S100PBP: variants seen among roughly 807,000 people sequenced by gnomAD.
S100PBP encodes the protein S100P binding protein.
In S100PBP, 15 loss-of-function variants were observed where a neutral mutation model predicts 39.9. That is an observed-to-expected ratio of 0.38 (90% confidence interval 0.25 to 0.58). S100PBP has a LOEUF of 0.58. Among genes scored for constraint, S100PBP ranks in the 20% least tolerant of loss-of-function variants. The pLI, the probability that S100PBP is intolerant of heterozygous loss-of-function variation, is 0.70. For missense variants in S100PBP, 504 were observed against 487.3 expected (o/e 1.03, Z -0.32); for synonymous variants, 178 against 180.3 (o/e 0.99, Z 0.10).
At chr1:32,850,810 T>G (rs185824959) in intron 5 of S100PBP, among the ~76,000 whole-genome samples, 1 of 152,342 alleles carries the variant, frequency 6.6e-6, no homozygotes, top group Admixed American at 6.5e-5. Flanking sequence ...AGTGTTATGG[T>G]TAGAAAAATA....
intron 5 of S100PBP, among the ~76,000 whole-genome samples, chr1:32,842,230 T>C (rs1640144121): frequency 1.2e-5 from 1 of 81,976 alleles, no homozygotes; most frequent in African/African-American, 6.1e-5. Flanking sequence ...TGTATATATA[T>C]ATATATACAC....
In S100PBP at chr1:32,825,294, ATTTTC is replaced by A. The variant is rs1290388040; in HGVS notation, c.-119-14_-119-10del. On this transcript the variant is annotated splice_polypyrimidine_tract_variant and intron_variant, in intron 1 of 6. Transcript: ENST00000373475. ...TTGAAAGTGATGAGAAGATCCTCTA[ATTTTC>A]TTTTTGCCTGCAGGAAGGTGGGAGT... The A allele has an allele frequency of 6.6e-6, 1 of 152,118 alleles. No individual in the cohort carries two copies. 9.4% of individuals were successfully genotyped at this position (152,118 alleles called of 1,614,324 possible).
chr1:32,826,130 T>A lies in S100PBP; in HGVS notation c.31T>A (p.Ser11Thr). Reference sequence around the variant, plus strand: ...GTGCTCACGGGTGCCCTCTGAACAGTCTTCTGGTACCTCTCTCTTGCCTAA... The same window carrying A: ...GTGCTCACGGGTGCCCTCTGAACAGACTTCTGGTACCTCTCTCTTGCCTAA... MMCSRVPSEQ[S>T]SGTSLLPKDG... Residue 11 changes from serine to threonine, a missense_variant, in exon 3 of 7, where the codon TCT becomes ACT. By Grantham distance (58) the Ser-to-Thr change is moderately conservative (BLOSUM62 1). Coordinates refer to ENST00000373475, the MANE Select transcript of S100PBP (RefSeq NM_022753.4). 6.2e-7 allele frequency: 1 copy of A among 1,613,784 alleles called. No homozygotes were observed. The highest frequency in any genetic ancestry group is 1.1e-5 in the South Asian group (1 of 91,054).
At position 32,822,260 on chromosome 1, in the gene S100PBP, A is replaced by C. The variant is rs567458969; in HGVS notation, c.-119-3053A>C. 5.3e-5 allele frequency among the ~76,000 whole-genome samples: 8 copies of C among 152,318 alleles called. No individual in the cohort carries two copies. The South Asian group carries it at 6.2e-4, about 12-fold the overall frequency. ...TTGAGTGATGGGTATGTGGTGGTTC[A>C]TTATACTATTATGTTACTTATGTAT... On this transcript the variant is annotated intron_variant, in intron 1 of 6. Transcript: ENST00000373475.
In S100PBP at chr1:32,819,082, G is replaced by A. The variant is rs576455449; in HGVS notation, c.-120+1393G>A. On this transcript the variant is annotated intron_variant, in intron 1 of 6. Coordinates refer to ENST00000373475, the MANE Select transcript of S100PBP (RefSeq NM_022753.4). ...GGTTTTCTGAGGTGAGATAAAAATA[G>A]AAAGGGAACCAGTTTCTGAGGTTGC... Among the ~76,000 whole-genome samples the A allele has an allele frequency of 1.4e-3, 211 of 152,172 alleles. 1 individual carries two copies. Among genetic ancestry groups the A allele is most frequent in the Non-Finnish European group, 2.2e-3 (152 of 68,012 alleles).
intron 5 of S100PBP, among the ~76,000 whole-genome samples, chr1:32,832,675 A>G (rs1304261277): frequency 6.6e-6 from 1 of 152,178 alleles, no homozygotes; most frequent in Non-Finnish European, 1.5e-5. Context: ...TTTGTATGTG[A>G]ATTATAGTGC....
chr1:32,855,121 G>T (rs866929069), intron 6 of S100PBP, among the ~76,000 whole-genome samples: 1 of 152,258 alleles, frequency 6.6e-6, no homozygotes, highest in African/African-American at 2.4e-5. Flanking sequence ...TTCAACCCTG[G>T]CGACTACTCA....
At chr1:32,823,345 AAGAAATGAATAACTCAGTCACTAATGCAG>A (rs1639172103) in intron 1 of S100PBP, among the ~76,000 whole-genome samples, 1 of 152,222 alleles carries the variant, frequency 6.6e-6, no homozygotes, top group Non-Finnish European at 1.5e-5. Context: ...CTGCTTCCTA[AAGAAATGAATAACTCAGTCACTAATGCAG>A]AGAAATTACT....
At chr1:32,850,949 T>G (rs755974258) in intron 5 of S100PBP, among the ~76,000 whole-genome samples, 1 of 152,234 alleles carries the variant, frequency 6.6e-6, no homozygotes, top group African/African-American at 2.4e-5. Context: ...AACATCATAA[T>G]AGCTACCACT....
rs72654022 is a variant in S100PBP, at chr1:32,817,927, G to A, written c.-120+238G>A. ...GCCCCTCACCCCGCTGAGGAAAAGGGAAGCTCCCTGGTCGTCTTGAGAGTC... is the reference window on the plus strand; with the variant it reads ...GCCCCTCACCCCGCTGAGGAAAAGGAAAGCTCCCTGGTCGTCTTGAGAGTC... On this transcript the variant is annotated intron_variant, in intron 1 of 6. Transcript: ENST00000373475. 12,144 of 153,376 alleles carry A rather than the reference G, an allele frequency of 0.079. 681 individuals are homozygous for A. The highest frequency in any genetic ancestry group is 0.16 in the Admixed American group (2,407 of 15,438). The allele number at this position is 153,376 out of a possible 1,614,324, so 9.5% of individuals were successfully genotyped here.
At chr1:32,848,705 A>G (rs1320480685) in intron 5 of S100PBP, among the ~76,000 whole-genome samples, 2 of 152,228 alleles carry the variant, frequency 1.3e-5, no homozygotes, top group African/African-American at 4.8e-5. Flanking sequence ...GTCCTCCTCC[A>G]TTATGATATA....
At position 32,826,927 on chromosome 1, in the gene S100PBP, CAAAGT is replaced by C. The variant is rs764739485; in HGVS notation, c.831_831+4del. ...CTCTGGTTGTTTCCACCTCATCAAACAAAGTAAGTATATTTTATTCAAGGTGAAGA... is the reference window on the plus strand; with the variant it reads ...CTCTGGTTGTTTCCACCTCATCAAACAAGTATATTTTATTCAAGGTGAAGA... On this transcript the variant is annotated splice_donor_variant and coding_sequence_variant, in exon 3 of 7. Coordinates refer to ENST00000373475, the MANE Select transcript of S100PBP (RefSeq NM_022753.4). LOFTEE classifies it high-confidence loss of function. The C allele has an allele frequency of 2.9e-5, 45 of 1,558,762 alleles. No individual in the cohort carries two copies. The highest frequency in any genetic ancestry group is 3.4e-4 in the Middle Eastern group (2 of 5,810).
At chr1:32,842,763 T>C (rs924160354) in intron 5 of S100PBP, 3 of 152,038 alleles carry the variant, frequency 2.0e-5, no homozygotes, top group African/African-American at 7.2e-5. Context: ...CTCAGCTTAA[T>C]TTTTTTATTT....
chr1:32,852,997 C>T, intron 5 of S100PBP, 82 bp from the exon 6 acceptor site: 1 of 934,112 alleles, frequency 1.1e-6, no homozygotes, highest in South Asian at 1.4e-5. Flanking sequence ...CCTGTTTTCT[C>T]TTTCCCTGAA....
intron 1 of S100PBP, among the ~76,000 whole-genome samples, chr1:32,821,640 CTTT>C (rs113824192): frequency 3.8e-5 from 5 of 132,690 alleles, no homozygotes; most frequent in Non-Finnish European, 3.2e-5. Flanking sequence ...TTCTTTCTTT[CTTT>C]TTTTTTTTTT....
rs188365268 is a variant in S100PBP, at chr1:32,827,681, A to G, written c.832-312A>G. ...ATTTTAGTGGAGACGGTGTTTCACC[A>G]TGTTGGCCAGGATGGTCTCGAACTC... On this transcript the variant is annotated intron_variant, in intron 3 of 6. Transcript: ENST00000373475. 1.6e-3 allele frequency among the ~76,000 whole-genome samples: 239 copies of G among 151,148 alleles called. 1 individual carries two copies. Among genetic ancestry groups the G allele is most frequent in the African/African-American group, 5.3e-3 (217 of 41,120 alleles).
chr1:32,853,197 G>C (rs1480204002), intron 6 of S100PBP, 31 bp downstream of exon 6: 1 of 1,534,228 alleles, frequency 6.5e-7, no homozygotes, highest in South Asian at 1.1e-5. Context: ...AGATGGAAAA[G>C]GGTAGAATGG....
At chr1:32,823,598 C>A (rs1366562216) in intron 1 of S100PBP, among the ~76,000 whole-genome samples, 1 of 152,126 alleles carries the variant, frequency 6.6e-6, no homozygotes, top group Non-Finnish European at 1.5e-5. Flanking sequence ...TTTAGTATTT[C>A]TTTTTCTCCC....
At chr1:32,831,065 A>T (rs1366882832) in intron 5 of S100PBP, among the ~76,000 whole-genome samples, 1 of 129,956 alleles carries the variant, frequency 7.7e-6, no homozygotes, top group African/African-American at 3.1e-5. Flanking sequence ...GGGTGACAGA[A>T]TGAGACTCTG....
Sources: gnomAD v4.1 joint callset for allele counts (sites outside exome capture counted in the v4.1 genomes callset) on GRCh38, gnomAD v4.1.1 for gene constraint, MANE v1.5 for transcripts, NCBI Gene and HGNC (gene_info 2026-07-23, HGNC 2026-07-21) for gene names.